The following ERAP1 variants were observed in gnomAD, a reference collection of about 807,000 sequenced individuals.
ERAP1 encodes the protein endoplasmic reticulum aminopeptidase 1.
In ERAP1, 86 loss-of-function variants were observed where a neutral mutation model predicts 103.7. The observed-to-expected ratio is 0.83, with a 90% CI of 0.70 to 0.99. The LOEUF is 0.99. ERAP1 is among the 50% of genes least tolerant of loss of function. The pLI, the probability that ERAP1 is intolerant of heterozygous loss-of-function variation, is 0.00. For synonymous variants in ERAP1, 398 were observed against 402.4 expected, an observed-to-expected ratio of 0.99 and a Z score of 0.13; for missense variants, 1,009 against 1,128.4, an observed-to-expected ratio of 0.89 and a Z score of 1.52.
the ERAP1 span, among the ~76,000 whole-genome samples, chr5:96,865,608 C>A: frequency 1.3e-5 from 2 of 152,106 alleles, no homozygotes; most frequent in African/African-American, 4.8e-5. Context: ...TTCCAAATAA[C>A]CCTCAAATGT....
chr5:96,913,688 A>G, the ERAP1 span, among the ~76,000 whole-genome samples: 1 of 152,226 alleles, frequency 6.6e-6, no homozygotes, highest in African/African-American at 2.4e-5. Context: ...AGTCCAGGCA[A>G]GAAACCACTG....
rs1363085162 is a variant in ERAP1 at position 96,797,262 on chromosome 5, A to T, written c.711T>A (p.Asp237Glu). The T allele has an allele frequency of 6.2e-7, 1 of 1,614,092 alleles. No individual in the cohort carries two copies. Among genetic ancestry groups the T allele is most frequent in the African/African-American group, 1.3e-5 (1 of 74,942 alleles). ...GATAGGTGCTCATCTTCACAGTGAC[A>T]TCAAAATGGTCTTCTATGAGTCCTT... ...VAEGLIEDHF[D>E]VTVKMSTYLV... is the part of the protein sequence containing the mutation. The change falls in exon 4 of 19, where the codon GAT (aspartate) becomes GAA (glutamate). Residue 237 changes from aspartate to glutamate, a missense_variant. Physicochemically the swap from Asp to Glu is conservative, Grantham distance 45. This residue lies in a region of ERAP1 where 392 missense variants were observed against 455.2 expected (regional missense o/e 0.86). Coordinates refer to ENST00000443439, the MANE Select transcript of ERAP1 (RefSeq NM_001040458.3).
chr5:96,858,212 T>C, the ERAP1 span, among the ~76,000 whole-genome samples: 3 of 148,844 alleles, frequency 2.0e-5, no homozygotes, highest in South Asian at 6.4e-4. Flanking sequence ...CTCCTTGTTC[T>C]TCTTCTTTTT....
the ERAP1 span, chr5:96,814,161 C>T: frequency 4.5e-6 from 2 of 447,536 alleles, no homozygotes; most frequent in Non-Finnish European, 9.0e-6. Context: ...CTTCCAAGCT[C>T]ACATCATTGT....
intron 3 of ERAP1, among the ~76,000 whole-genome samples, 170 bp downstream of exon 3, chr5:96,800,692 A>G (rs1163816835): frequency 1.3e-5 from 2 of 152,220 alleles, no homozygotes; most frequent in Non-Finnish European, 1.5e-5. Context: ...CTTTGATTAC[A>G]TATAACTATG....
At chr5:96,902,325 C>G in the ERAP1 span, 1 of 1,611,126 alleles carries the variant, frequency 6.2e-7, no homozygotes, top group Non-Finnish European at 8.5e-7. Flanking sequence ...CTAATGTGAT[C>G]CACAGACACA....
chr5:96,841,286 T>C, the ERAP1 span, among the ~76,000 whole-genome samples: 1 of 152,216 alleles, frequency 6.6e-6, no homozygotes, highest in Non-Finnish European at 1.5e-5. Context: ...GGGTTGGCGG[T>C]ATCTGTATAT....
the ERAP1 span, among the ~76,000 whole-genome samples, chr5:96,903,719 G>A: frequency 4.6e-5 from 7 of 152,022 alleles, no homozygotes; most frequent in South Asian, 1.3e-3. Context: ...CACTAATAAC[G>A]TATTTTGACC....
At chr5:96,884,819 GCAGCATATCTTTT>G in the ERAP1 span, among the ~76,000 whole-genome samples, 1 of 152,130 alleles carries the variant, frequency 6.6e-6, no homozygotes, top group African/African-American at 2.4e-5. Flanking sequence ...GCTAGTAGAG[GCAGCATATCTTTT>G]GGACACTTAT....
rs748439219 is a variant in ERAP1 at position 96,792,222 on chromosome 5, C to T, written c.1189-30G>A. On this transcript the variant is annotated intron_variant, in intron 7 of 18. Coordinates refer to ENST00000443439, the MANE Select transcript of ERAP1 (RefSeq NM_001040458.3). Reference sequence around the variant, plus strand: ...TGAGATAGAAAAAAGAAAACATCACCTATGATTTACATTTAGATAAAAAAT... The same window carrying T: ...TGAGATAGAAAAAAGAAAACATCACTTATGATTTACATTTAGATAAAAAAT... 62 of 1,606,030 alleles carry T rather than the reference C, an allele frequency of 3.9e-5. No homozygotes were observed. In the Admixed American group the frequency reaches 1.0e-3, roughly 27 times the overall value.
chr5:96,901,354 C>T, the ERAP1 span: 1 of 778,050 alleles, frequency 1.3e-6, no homozygotes, highest in East Asian at 2.5e-5. Context: ...ATCCCTAATC[C>T]AGTTGCCTGG....
chr5:96,783,739 A>T (rs142521175), intron 14 of ERAP1, among the ~76,000 whole-genome samples, 185 bp downstream of exon 14: 205 of 3,684 alleles, frequency 0.056, 1 homozygote, highest in African/African-American at 0.18. Context: ...TTTTAGTGCC[A>T]AATAAAACCA....
At chr5:96,854,595 G>A in the ERAP1 span, among the ~76,000 whole-genome samples, 1 of 151,990 alleles carries the variant, frequency 6.6e-6, no homozygotes, top group African/African-American at 2.4e-5. Flanking sequence ...AAAATAATAG[G>A]GTCTTTGGGA....
At chr5:96,900,907 C>T in the ERAP1 span, among the ~76,000 whole-genome samples, 2 of 152,074 alleles carry the variant, frequency 1.3e-5, no homozygotes, top group East Asian at 3.9e-4. Flanking sequence ...TCAGGCAATT[C>T]GCCCACCTTG....
intron 2 of ERAP1, among the ~76,000 whole-genome samples, chr5:96,802,315 A>G (rs1044643121): frequency 2.0e-5 from 3 of 152,096 alleles, no homozygotes; most frequent in Admixed American, 1.3e-4. Context: ...AGTCATTTAT[A>G]TAAAACATCT....
intron 1 of ERAP1, among the ~76,000 whole-genome samples, chr5:96,805,269 T>C (rs1254208857): frequency 6.6e-6 from 1 of 152,076 alleles, no homozygotes; most frequent in East Asian, 1.9e-4. Context: ...TGGGTCCTTA[T>C]TGACAACAAT....
rs1311956389 is a variant in ERAP1, at chr5:96,783,856, TACAC to T, written c.2100+64_2100+67del. ...ACACACACACACACACACACACACA[TACAC>T]ACACAATGATTAACACTTTTTAACA... is the stretch of plus-strand genomic sequence containing the variant. On this transcript the variant is annotated intron_variant, in intron 14 of 18. Coordinates refer to ENST00000443439, the MANE Select transcript of ERAP1 (RefSeq NM_001040458.3). 3.2e-3 allele frequency: 1,130 copies of T among 351,752 alleles called. 75 individuals are homozygous for T. Among genetic ancestry groups the T allele is most frequent in the Non-Finnish European group, 3.6e-3 (964 of 270,142 alleles). 21.8% of individuals were successfully genotyped at this position (351,752 alleles called of 1,614,324 possible).
At chr5:96,849,483 T>C in the ERAP1 span, among the ~76,000 whole-genome samples, 4 of 152,076 alleles carry the variant, frequency 2.6e-5, no homozygotes, top group African/African-American at 9.7e-5. Flanking sequence ...ATGAAGTATC[T>C]GGAAAAAAAT....
Position 96,788,705 on chromosome 5 carries a change from G to C in ERAP1, c.1525-20C>G, listed in dbSNP as rs779117086. On this transcript the variant is annotated intron_variant, in intron 10 of 18. Coordinates refer to ENST00000443439, the MANE Select transcript of ERAP1 (RefSeq NM_001040458.3). ...CCAATGCTGGTGTGTACACAAAAAG[G>C]CAGACACATCACCCATTTAACCCAA... 6.2e-7 allele frequency: 1 copy of C among 1,612,614 alleles called. No individual in the cohort carries two copies. Among genetic ancestry groups the C allele is most frequent in the East Asian group, 2.2e-5 (1 of 44,866 alleles).
Sources: allele counts gnomAD v4.1 joint callset (sites outside exome capture counted in the v4.1 genomes callset), GRCh38; gene constraint gnomAD v4.1.1; regional missense constraint gnomAD v4.1.1; transcripts MANE v1.5; gene names NCBI Gene and HGNC (gene_info 2026-07-23, HGNC 2026-07-21).